The following TMEM135 variants were observed in gnomAD, a reference collection of about 807,000 sequenced individuals.
The protein encoded by TMEM135 is transmembrane protein 135.
TMEM135 carries 30 observed loss-of-function variants against 60.3 expected under a neutral mutation model. That is an observed-to-expected ratio of 0.50 (90% CI 0.37 to 0.68). TMEM135 has a LOEUF of 0.68. Among genes scored for constraint, TMEM135 ranks in the 30% least tolerant of loss-of-function variants. The probability of loss-of-function intolerance (pLI) is 0.00; values close to 1 mark genes in which losing one functional copy is unlikely to be tolerated. For missense variants in TMEM135, 468 were observed against 548.8 expected (o/e 0.85, Z 1.47); for synonymous variants, 190 against 186.7 (o/e 1.02, Z -0.14).
intron 6 of TMEM135, among the ~76,000 whole-genome samples, chr11:87,250,992 A>T (rs1410656534): frequency 6.6e-6 from 1 of 152,154 alleles, no homozygotes; most frequent in Admixed American, 6.5e-5. Context: ...TTTATCTGAG[A>T]TATGAGGATT....
chr11:87,199,341 G>A (rs1940041860), intron 5 of TMEM135, among the ~76,000 whole-genome samples: 1 of 152,158 alleles, frequency 6.6e-6, no homozygotes, highest in South Asian at 2.1e-4. Flanking sequence ...TCTCCAAGAC[G>A]GTGCGTTCAT....
chr11:87,225,059 G>C (rs138071115), intron 5 of TMEM135, among the ~76,000 whole-genome samples: 21 of 152,144 alleles, frequency 1.4e-4, no homozygotes, highest in African/African-American at 5.1e-4. Context: ...TAGGTAACGA[G>C]CTTCTTAACA....
chr11:87,300,741 A>G (rs897224228), intron 7 of TMEM135, among the ~76,000 whole-genome samples: 1 of 152,218 alleles, frequency 6.6e-6, no homozygotes, highest in Non-Finnish European at 1.5e-5. Context: ...GAAGATATAC[A>G]TGGTCTCACA....
intron 5 of TMEM135, among the ~76,000 whole-genome samples, chr11:87,214,553 ACT>A (rs1940455780): frequency 6.7e-6 from 1 of 149,796 alleles, no homozygotes; most frequent in African/African-American, 2.4e-5. Flanking sequence ...TGTAGACCAG[ACT>A]CTGTAACACT....
chr11:87,289,152 A>G (rs1314324832), intron 6 of TMEM135, among the ~76,000 whole-genome samples: 1 of 152,188 alleles, frequency 6.6e-6, no homozygotes, highest in Non-Finnish European at 1.5e-5. Flanking sequence ...GTGTGTATGT[A>G]ATGTATTTTA....
chr11:87,149,012 C>G (rs961430557), intron 4 of TMEM135, among the ~76,000 whole-genome samples: 1 of 151,284 alleles, frequency 6.6e-6, no homozygotes, highest in African/African-American at 2.4e-5. Flanking sequence ...TCTAACTTAG[C>G]ACCAAATCCC....
At chr11:87,221,532 T>C (rs894634648) in intron 5 of TMEM135, among the ~76,000 whole-genome samples, 2 of 152,232 alleles carry the variant, frequency 1.3e-5, no homozygotes, top group Non-Finnish European at 2.9e-5. Flanking sequence ...CAGACACTGA[T>C]TGCCTGTTGT....
At chr11:87,124,189 TA>T (rs949306226) in intron 4 of TMEM135, among the ~76,000 whole-genome samples, 3 of 152,004 alleles carry the variant, frequency 2.0e-5, no homozygotes, top group Non-Finnish European at 4.4e-5. Flanking sequence ...TGGCTTAAGA[TA>T]AAAAAATAGG....
chr11:87,132,933 C>G (rs1034146679), intron 4 of TMEM135, among the ~76,000 whole-genome samples: 2 of 152,086 alleles, frequency 1.3e-5, no homozygotes, highest in Non-Finnish European at 2.9e-5. Context: ...TATGCCAGCA[C>G]CACTATTTGT....
chr11:87,170,748 C>T (rs1041612548), intron 5 of TMEM135, among the ~76,000 whole-genome samples: 1 of 152,136 alleles, frequency 6.6e-6, no homozygotes, highest in Non-Finnish European at 1.5e-5. Context: ...AGGTGTCTCC[C>T]AGTCAGAAGG....
intron 5 of TMEM135, among the ~76,000 whole-genome samples, chr11:87,185,753 A>ACCT (rs1939638168): frequency 6.6e-6 from 1 of 152,206 alleles, no homozygotes; most frequent in Non-Finnish European, 1.5e-5. Context: ...GAAAGATAAG[A>ACCT]TAAAGTCTTG....
chr11:87,039,831 A>G (rs1949735633), intron 1 of TMEM135, among the ~76,000 whole-genome samples: 1 of 152,204 alleles, frequency 6.6e-6, no homozygotes, highest in Admixed American at 6.5e-5. Flanking sequence ...CATTCACTTA[A>G]CAAATATTTG....
At chr11:87,068,476 G>A (rs1231196726) in intron 2 of TMEM135, among the ~76,000 whole-genome samples, 1 of 151,992 alleles carries the variant, frequency 6.6e-6, no homozygotes, top group African/African-American at 2.4e-5. Flanking sequence ...TGTTAGTGTT[G>A]AACAAAGTAG....
chr11:87,202,739 A>ACC (rs1940143079), intron 5 of TMEM135, among the ~76,000 whole-genome samples: 2 of 151,480 alleles, frequency 1.3e-5, no homozygotes, highest in African/African-American at 4.8e-5. Flanking sequence ...TTAAAAAAAA[A>ACC]AAAAAAAAGC....
intron 1 of TMEM135, among the ~76,000 whole-genome samples, chr11:87,058,376 C>G (rs1470671064): frequency 6.6e-6 from 1 of 152,062 alleles, no homozygotes; most frequent in African/African-American, 2.4e-5. Context: ...GTCACTCAGG[C>G]TGGAGTGCAG....
At chr11:87,239,876 A>G (rs1164344119) in intron 6 of TMEM135, among the ~76,000 whole-genome samples, 1 of 152,144 alleles carries the variant, frequency 6.6e-6, no homozygotes, top group Admixed American at 6.6e-5. Flanking sequence ...ATTGAAAACT[A>G]TGTGAAAACT....
At chr11:87,159,713 T>A (rs1369203308) in intron 5 of TMEM135, among the ~76,000 whole-genome samples, 1 of 152,012 alleles carries the variant, frequency 6.6e-6, no homozygotes, top group African/African-American at 2.4e-5. Flanking sequence ...GGGAAACAAT[T>A]CTATCAATAA....
intron 5 of TMEM135, among the ~76,000 whole-genome samples, chr11:87,168,750 T>C (rs1939141314): frequency 6.6e-6 from 1 of 152,094 alleles, no homozygotes; most frequent in Non-Finnish European, 1.5e-5. Context: ...TAGAAGAAGT[T>C]CTATGTGGTG....
chr11:87,217,901 G>C (rs1056347269), intron 5 of TMEM135, among the ~76,000 whole-genome samples: 1 of 152,176 alleles, frequency 6.6e-6, no homozygotes, highest in Non-Finnish European at 1.5e-5. Context: ...GATCATTGCA[G>C]AGGGGATTCA....
Sources: gnomAD v4.1 joint callset for allele counts (sites outside exome capture counted in the v4.1 genomes callset) on GRCh38, gnomAD v4.1.1 for gene constraint, MANE v1.5 for transcripts, NCBI Gene and HGNC (gene_info 2026-07-23, HGNC 2026-07-21) for gene names.